Variants in HMG20A observed in about 807,000 individuals in gnomAD.
HMG20A encodes high mobility group 20A, also known as high mobility group protein 20A.
A neutral mutation model predicts 43.9 loss-of-function variants in HMG20A; 17 were observed. That is an observed-to-expected ratio of 0.39 (90% CI 0.27 to 0.58). HMG20A has a LOEUF of 0.58. Among genes scored for constraint, HMG20A ranks in the 20% least tolerant of loss-of-function variants. The pLI is 0.59. For synonymous variants in HMG20A, 132 were observed against 147.5 expected, an observed-to-expected ratio of 0.89 and a Z score of 0.76; for missense variants, 341 against 438.2, an observed-to-expected ratio of 0.78 and a Z score of 1.98.
chr15:77,478,031 A>G, intron 7 of HMG20A: 1 of 539,994 alleles, frequency 1.9e-6, no homozygotes, highest in South Asian at 2.1e-5. Context: ...GCAAAAACTA[A>G]CAAACAAAAA....
intron 1 of HMG20A, among the ~76,000 whole-genome samples, chr15:77,440,340 A>T (rs1005886351): frequency 2.0e-5 from 3 of 152,234 alleles, no homozygotes; most frequent in African/African-American, 7.2e-5. Context: ...TGGTTTACAC[A>T]CACAAAAAGA....
chr15:77,443,582 G>A (rs1050726398), intron 1 of HMG20A, among the ~76,000 whole-genome samples: 1 of 151,510 alleles, frequency 6.6e-6, no homozygotes, highest in South Asian at 2.1e-4. Flanking sequence ...AGTAGAGACA[G>A]GGTTTCACCA....
In HMG20A at chr15:77,484,861, T is replaced by C. The variant is rs1369620586; in HGVS notation, c.*1898T>C. 1 of 152,226 alleles carries C rather than the reference T, an allele frequency of 6.6e-6. No homozygotes were observed. The highest frequency in any genetic ancestry group is 1.5e-5 in the Non-Finnish European group (1 of 68,056). The allele number at this position is 152,226 out of a possible 1,614,324, so 9.4% of individuals were successfully genotyped here. A position where few individuals can be genotyped will look rare whatever the true frequency, so the allele number is the denominator to read the frequency against. On this transcript the variant is annotated 3_prime_UTR_variant, in exon 10 of 10. Coordinates refer to ENST00000336216, the MANE Select transcript of HMG20A (RefSeq NM_001304504.2). ...GACATCCAGAGCCCATTCTGGAGTT[T>C]TGTTTTTTCCTTCTGCCAGATGCTT...
chr15:77,503,332 T>A, the HMG20A span, among the ~76,000 whole-genome samples: 1 of 152,184 alleles, frequency 6.6e-6, no homozygotes, highest in Non-Finnish European at 1.5e-5. Context: ...CTTCCTCAGT[T>A]TCATCATCTG....
Position 77,467,217 on chromosome 15 carries a change from A to T in HMG20A, c.360A>T (p.Gln120His). Residue 120 changes from glutamine (Q) to histidine (H), a missense_variant, in exon 4 of 10, where the codon CAA (glutamine) becomes CAT (histidine). Gln to His is a conservative substitution (Grantham distance 24). This residue lies in a region of HMG20A where 220 missense variants were observed against 263.6 expected (regional missense o/e 0.83). Coordinates refer to ENST00000336216, the MANE Select transcript of HMG20A (RefSeq NM_001304504.2). ...YVRFMNERRE[Q>H]LRAKRPEVPF... is the part of the protein sequence containing the mutation. ...GGTTCATGAATGAGCGTCGAGAACAACTTCGAGCAAAGAGACCAGAAGTCC... is the reference window on the plus strand; with the variant it reads ...GGTTCATGAATGAGCGTCGAGAACATCTTCGAGCAAAGAGACCAGAAGTCC... 3.1e-6 allele frequency: 5 copies of T among 1,614,168 alleles called. No homozygotes were observed. The highest frequency in any genetic ancestry group is 3.4e-6 in the Non-Finnish European group (4 of 1,180,018).
At chr15:77,472,661 C>T (rs2072820493) in intron 6 of HMG20A, among the ~76,000 whole-genome samples, 1 of 152,228 alleles carries the variant, frequency 6.6e-6, no homozygotes, top group Non-Finnish European at 1.5e-5. Flanking sequence ...CCACTTGGTT[C>T]AGCCCCATTG....
intron 1 of HMG20A, 77 bp from the exon 2 acceptor site, chr15:77,458,327 G>A: frequency 2.2e-6 from 2 of 898,784 alleles, no homozygotes; most frequent in Non-Finnish European, 1.8e-6. Flanking sequence ...GTTCAAGAAG[G>A]CTGGCTCTTA....
intron 6 of HMG20A, among the ~76,000 whole-genome samples, chr15:77,476,127 A>T (rs1206766294): frequency 6.6e-6 from 1 of 152,130 alleles, no homozygotes; most frequent in Admixed American, 6.5e-5. Flanking sequence ...TTCCCTCTTA[A>T]GCTGTGAACT....
chr15:77,517,594 C>T, the HMG20A span, among the ~76,000 whole-genome samples: 2 of 151,488 alleles, frequency 1.3e-5, no homozygotes, highest in East Asian at 2.0e-4. Context: ...AATTTGAGCA[C>T]AATTTCACTC....
chr15:77,495,444 G>A, the HMG20A span, among the ~76,000 whole-genome samples: 2 of 152,212 alleles, frequency 1.3e-5, no homozygotes, highest in Admixed American at 6.5e-5. Context: ...AGCTACTCGG[G>A]AGGCTGAGGC....
intron 5 of HMG20A, 49 bp from the exon 6 acceptor site, chr15:77,471,734 A>G: frequency 7.8e-7 from 1 of 1,287,902 alleles, no homozygotes. Flanking sequence ...GGGTTTTGTT[A>G]TTGCTTTCTT....
At chr15:77,443,381 T>TGA (rs1567394414) in intron 1 of HMG20A, among the ~76,000 whole-genome samples, 2,589 of 125,612 alleles carry the variant, frequency 0.021, 27 homozygotes, top group African/African-American at 0.037. Flanking sequence ...ATGATGATGA[T>TGA]TATTATTATT....
At chr15:77,421,968 T>G (rs908547751) in intron 1 of HMG20A, among the ~76,000 whole-genome samples, 4 of 152,238 alleles carry the variant, frequency 2.6e-5, no homozygotes, top group African/African-American at 9.6e-5. Flanking sequence ...GCTCAGATTC[T>G]AAACAGGAAA....
chr15:77,454,813 TAGG>T (rs2072639352), intron 1 of HMG20A, among the ~76,000 whole-genome samples: 3 of 152,198 alleles, frequency 2.0e-5, no homozygotes, highest in Non-Finnish European at 4.4e-5. Flanking sequence ...TGAGTTGTAA[TAGG>T]AGAATTAAGA....
At chr15:77,488,667 G>T (rs2072957625), downstream of HMG20A, among the ~76,000 whole-genome samples, 1 of 152,102 alleles carries the variant, frequency 6.6e-6, no homozygotes, top group Admixed American at 6.5e-5. Context: ...GTAGCTGGAA[G>T]GTCAGAACAT....
chr15:77,423,206 TA>T (rs928522745), intron 1 of HMG20A, among the ~76,000 whole-genome samples: 3 of 152,140 alleles, frequency 2.0e-5, no homozygotes, highest in African/African-American at 7.2e-5. Context: ...AAGCAATATA[TA>T]AAATACCTAT....
At chr15:77,518,017 A>C in the HMG20A span, among the ~76,000 whole-genome samples, 1 of 152,172 alleles carries the variant, frequency 6.6e-6, no homozygotes, top group South Asian at 2.1e-4. Flanking sequence ...GTTAAAAAAA[A>C]ATCCCTCCCC....
intron 9 of HMG20A, among the ~76,000 whole-genome samples, chr15:77,481,142 A>G (rs1402665538): frequency 6.6e-6 from 1 of 152,194 alleles, no homozygotes; most frequent in Non-Finnish European, 1.5e-5. Context: ...AAGTCTTTAT[A>G]CTTCTTGGTG....
intron 9 of HMG20A, among the ~76,000 whole-genome samples, chr15:77,480,944 A>G (rs1218308502): frequency 2.6e-5 from 4 of 152,182 alleles, no homozygotes; most frequent in African/African-American, 9.7e-5. Context: ...CTCTACAATG[A>G]GGTGGCCATA....
Sources: gnomAD v4.1 joint callset for allele counts (sites outside exome capture counted in the v4.1 genomes callset) on GRCh38, gnomAD v4.1.1 for gene constraint, gnomAD v4.1.1 regional missense constraint, MANE v1.5 for transcripts, NCBI Gene and HGNC (gene_info 2026-07-23, HGNC 2026-07-21) for gene names.